The following MAPK10 variants were observed in gnomAD, a reference collection of about 807,000 sequenced individuals.
MAPK10 encodes JNK3 alpha protein kinase.
Under a neutral mutation model 59.3 loss-of-function variants are expected in MAPK10, and 25 were observed. The ratio of observed to expected loss-of-function variants is 0.42; its 90% confidence interval spans 0.31 to 0.59. MAPK10 has a LOEUF of 0.59. Among genes scored for constraint, MAPK10 ranks in the 20% least tolerant of loss-of-function variants. MAPK10 has a pLI of 0.15. For missense variants in MAPK10, 351 were observed against 568.9 expected (o/e 0.62, Z 3.90); for synonymous variants, 190 against 200.5 (o/e 0.95, Z 0.44).
intron 4 of MAPK10, among the ~76,000 whole-genome samples, chr4:86,120,929 CTT>C (rs1297726650): frequency 1.3e-5 from 2 of 152,244 alleles, no homozygotes; most frequent in African/African-American, 4.8e-5. Context: ...TATTTTCTAA[CTT>C]TGCAATAAAA....
At chr4:86,316,843 G>A (rs1235825095) in intron 2 of MAPK10, among the ~76,000 whole-genome samples, 1 of 152,132 alleles carries the variant, frequency 6.6e-6, no homozygotes, top group African/African-American at 2.4e-5. Context: ...GGCATTAGCG[G>A]CAGCCAGTTG....
chr4:86,196,539 T>G (rs1474060469), intron 2 of MAPK10, among the ~76,000 whole-genome samples: 1 of 152,222 alleles, frequency 6.6e-6, no homozygotes, highest in East Asian at 1.9e-4. Flanking sequence ...TGGTAGTTAC[T>G]TTTGCTGTGC....
chr4:86,397,875 A>AC (rs1332281540), intron 1 of MAPK10, among the ~76,000 whole-genome samples: 2 of 150,962 alleles, frequency 1.3e-5, no homozygotes, highest in African/African-American at 4.9e-5. Flanking sequence ...AAAAAAAAAA[A>AC]AAAAAAAAAA....
chr4:86,352,294 T>C, intron 2 of MAPK10: 1 of 152,178 alleles, frequency 6.6e-6, no homozygotes, highest in East Asian at 1.9e-4. Context: ...TTAAGTAAAA[T>C]AGATTTAATC....
At position 86,442,865 on chromosome 4, in the gene MAPK10, C is replaced by A. The variant is rs79626878; in HGVS notation, c.-122+10165G>T. On this transcript the variant is annotated intron_variant, in intron 1 of 13. Transcript: ENST00000361569. ...TTTAATAAAAATAACGCCACTGAGC[C>A]GAACTCCATTTTCCATCCAGCATGT... Among the ~76,000 whole-genome samples, 1,169 of 152,224 alleles carry A rather than the reference C, an allele frequency of 7.7e-3. 22 individuals carry two copies. The highest frequency in any genetic ancestry group is 0.026 in the African/African-American group (1,077 of 41,534).
chr4:86,049,859 G>C (rs2043189291), intron 11 of MAPK10, among the ~76,000 whole-genome samples: 1 of 152,060 alleles, frequency 6.6e-6, no homozygotes, highest in South Asian at 2.1e-4. Flanking sequence ...CAGAAAGAAT[G>C]ATCTACCTAA....
chr4:86,197,959 C>A (rs2081752322), intron 2 of MAPK10, among the ~76,000 whole-genome samples: 2 of 152,022 alleles, frequency 1.3e-5, no homozygotes, highest in South Asian at 2.1e-4. Flanking sequence ...TACATGGGAA[C>A]CTGATTATGT....
At chr4:86,481,371 T>C (rs1205998821) in intron 1 of MAPK10, among the ~76,000 whole-genome samples, 1 of 151,910 alleles carries the variant, frequency 6.6e-6, no homozygotes, top group East Asian at 1.9e-4. Flanking sequence ...CTTTGGGGTA[T>C]TGTTTTTTGA....
intron 2 of MAPK10, among the ~76,000 whole-genome samples, chr4:86,240,335 G>A (rs2092629508): frequency 6.6e-6 from 1 of 152,212 alleles, no homozygotes; most frequent in African/African-American, 2.4e-5. Flanking sequence ...TTGATGTGGG[G>A]TAGAGAGCTC....
At chr4:86,293,364 T>C (rs1199873316) in intron 2 of MAPK10, among the ~76,000 whole-genome samples, 1 of 152,216 alleles carries the variant, frequency 6.6e-6, no homozygotes, top group Non-Finnish European at 1.5e-5. Flanking sequence ...CCTGTATCTA[T>C]TTGATCAGGT....
intron 1 of MAPK10, among the ~76,000 whole-genome samples, chr4:86,430,564 G>C (rs1424415348): frequency 6.6e-6 from 1 of 152,134 alleles, no homozygotes; most frequent in Non-Finnish European, 1.5e-5. Context: ...ATAGAGTTGG[G>C]TCAAGAGCTA....
intron 1 of MAPK10, among the ~76,000 whole-genome samples, chr4:86,527,638 G>A (rs139107103): frequency 2.8e-4 from 43 of 152,234 alleles, no homozygotes; most frequent in South Asian, 2.1e-3. Flanking sequence ...ACTACTATTC[G>A]ACCTGGCAAT....
chr4:86,091,737 G>A (rs1159770219), intron 9 of MAPK10, among the ~76,000 whole-genome samples: 3 of 151,294 alleles, frequency 2.0e-5, no homozygotes, highest in Admixed American at 6.6e-5. Context: ...GCAGTGGCAC[G>A]ATCTTGGCTC....
intron 1 of MAPK10, among the ~76,000 whole-genome samples, chr4:86,521,774 C>T (rs924848728): frequency 1.3e-5 from 2 of 152,108 alleles, no homozygotes; most frequent in African/African-American, 4.8e-5. Context: ...TCCTGCCTGC[C>T]CACGCCATCA....
intron 3 of MAPK10, among the ~76,000 whole-genome samples, chr4:86,171,324 C>G (rs1405951965): frequency 1.3e-5 from 2 of 152,000 alleles, no homozygotes; most frequent in Non-Finnish European, 2.9e-5. Context: ...TGATAGACTG[C>G]TAGCAAGATT....
intron 2 of MAPK10, among the ~76,000 whole-genome samples, chr4:86,216,556 C>T (rs2087705947): frequency 6.6e-6 from 1 of 151,462 alleles, no homozygotes; most frequent in South Asian, 2.1e-4. Flanking sequence ...AGAACTTCTA[C>T]TAAAGAAGTA....
chr4:86,251,282 G>A (rs989766774), intron 2 of MAPK10, among the ~76,000 whole-genome samples: 17 of 151,708 alleles, frequency 1.1e-4, no homozygotes, highest in African/African-American at 3.4e-4. Flanking sequence ...CCACTAACTC[G>A]TCATCTAGCA....
At chr4:86,436,254 T>TC (rs1218859490) in intron 1 of MAPK10, among the ~76,000 whole-genome samples, 2 of 152,158 alleles carry the variant, frequency 1.3e-5, no homozygotes, top group Non-Finnish European at 1.5e-5. Flanking sequence ...ACTCACAAAG[T>TC]CTGAGCACTA....
chr4:86,443,318 A>C (rs1356452943), intron 1 of MAPK10, among the ~76,000 whole-genome samples: 1 of 152,132 alleles, frequency 6.6e-6, no homozygotes, highest in African/African-American at 2.4e-5. Flanking sequence ...ATTCTGCTCT[A>C]CTTAACAAGG....
Sources: gnomAD v4.1 joint callset for allele counts (sites outside exome capture counted in the v4.1 genomes callset) on GRCh38, gnomAD v4.1.1 for gene constraint, MANE v1.5 for transcripts, NCBI Gene and HGNC (gene_info 2026-07-23, HGNC 2026-07-21) for gene names.